Variants in RBMS3 observed in about 807,000 individuals in gnomAD.
RBMS3 encodes RNA-binding motif, single-stranded-interacting protein 3.
In RBMS3, 27 loss-of-function variants were observed where a neutral mutation model predicts 66.8. That is an observed-to-expected ratio of 0.40 (90% CI 0.30 to 0.56). RBMS3 has a LOEUF of 0.56. Among genes scored for constraint, RBMS3 ranks in the 20% least tolerant of loss-of-function variants. The pLI is 0.40. For synonymous variants in RBMS3, 188 were observed against 183.0 expected, an observed-to-expected ratio of 1.03 and a Z score of -0.22; for missense variants, 513 against 549.5, an observed-to-expected ratio of 0.93 and a Z score of 0.66.
intron 12 of RBMS3, among the ~76,000 whole-genome samples, chr3:29,945,523 A>T (rs1047968572): frequency 6.6e-6 from 1 of 151,698 alleles, no homozygotes; most frequent in Non-Finnish European, 1.5e-5. Flanking sequence ...GTCATATCTT[A>T]ACATGCCAAT....
intron 1 of RBMS3, among the ~76,000 whole-genome samples, chr3:29,328,861 C>T (rs776359100): frequency 1.3e-5 from 2 of 152,070 alleles, no homozygotes; most frequent in Non-Finnish European, 2.9e-5. Flanking sequence ...TCTTCAACTC[C>T]CTATTGGATT....
intron 2 of RBMS3, among the ~76,000 whole-genome samples, chr3:29,447,503 C>G (rs1420812857): frequency 6.6e-6 from 1 of 152,150 alleles, no homozygotes; most frequent in Non-Finnish European, 1.5e-5. Flanking sequence ...TCTCTTTAGA[C>G]AAGTTATGCA....
chr3:29,708,540 G>A (rs1450169681), intron 4 of RBMS3, among the ~76,000 whole-genome samples: 1 of 152,160 alleles, frequency 6.6e-6, no homozygotes, highest in Non-Finnish European at 1.5e-5. Flanking sequence ...AGTATTAAAA[G>A]CTGTGCAAAC....
intron 6 of RBMS3, among the ~76,000 whole-genome samples, chr3:29,849,632 T>C (rs184137383): frequency 3.0e-4 from 45 of 152,224 alleles, no homozygotes; most frequent in Non-Finnish European, 5.9e-4. Flanking sequence ...GATTTTTATA[T>C]GGTAACTTGT....
chr3:29,929,509 G>A (rs143072910), intron 10 of RBMS3, among the ~76,000 whole-genome samples: 313 of 152,012 alleles, frequency 2.1e-3, no homozygotes, highest in Non-Finnish European at 3.3e-3. Context: ...TTGAATAGGC[G>A]TAGTACATAA....
rs1482435546 is a variant in RBMS3 at position 30,003,927 on chromosome 3, T to G, written c.*65T>G. 7.3e-7 allele frequency: 1 copy of G among 1,371,542 alleles called. No homozygotes were observed. The highest frequency in any genetic ancestry group is 2.5e-5 in the East Asian group (1 of 40,038). The allele number at this position is 1,371,542 out of a possible 1,614,324, so 85.0% of individuals were successfully genotyped here. Reference sequence around the variant, plus strand: ...TGAAGAAACTTCATTGAACAAGAAGTTGGCTTCCAGTTTGCACAGACGTCA... The same window carrying G: ...TGAAGAAACTTCATTGAACAAGAAGGTGGCTTCCAGTTTGCACAGACGTCA... On this transcript the variant is annotated 3_prime_UTR_variant, in exon 15 of 15. Transcript: ENST00000383767.
chr3:30,005,577 C>CT lies in RBMS3; in HGVS notation c.*1717dup, dbSNP rs1699784348. 6.6e-6 allele frequency: 1 copy of CT among 151,848 alleles called. No individual in the cohort carries two copies. Among genetic ancestry groups the CT allele is most frequent in the Non-Finnish European group, 1.5e-5 (1 of 67,824 alleles). 9.4% of individuals were successfully genotyped at this position (151,848 alleles called of 1,614,324 possible). A position where few individuals can be genotyped will look rare whatever the true frequency, so the allele number is the denominator to read the frequency against. On this transcript the variant is annotated 3_prime_UTR_variant, in exon 15 of 15. Transcript: ENST00000383767. ...GGTCTCATTGTATTTGAACAATAGTCTTCCCTCTAAATTACAACACCTCTG... is the reference window on the plus strand; with the variant it reads ...GGTCTCATTGTATTTGAACAATAGTCTTTCCCTCTAAATTACAACACCTCTG...
chr3:29,697,201 A>G, intron 4 of RBMS3: 1 of 726,594 alleles, frequency 1.4e-6, no homozygotes, highest in Non-Finnish European at 1.7e-6. Context: ...ATATATTCTT[A>G]ATGATACAAT....
rs1272317694 is a variant in RBMS3, at chr3:29,403,288, CTG to C, written c.76-31453_76-31452del. 3.3e-5 allele frequency among the ~76,000 whole-genome samples: 5 copies of C among 152,072 alleles called. No homozygotes were observed. The East Asian group carries it at 9.7e-4, about 29-fold the overall frequency. On this transcript the variant is annotated intron_variant, in intron 1 of 14. Transcript: ENST00000383767. ...GGTGGAGAAGTCAAAAGGAAAAAAA[CTG>C]TATGTAATATAGATGGACGTATTTC...
intron 1 of RBMS3, 126 bp from the exon 2 acceptor site, chr3:29,434,617 G>A (rs1361621199): frequency 3.2e-6 from 4 of 1,241,760 alleles, no homozygotes; most frequent in African/African-American, 3.0e-5. Context: ...TGATATAAAT[G>A]TGTGTGTGTA....
chr3:29,688,564 A>AT lies in RBMS3; in HGVS notation c.400-51119dup, dbSNP rs55943638. On this transcript the variant is annotated intron_variant, in intron 4 of 14. Transcript: ENST00000383767. ...TCACATCAGGCACAAAAGTTACAGG[A>AT]TTTTTTTTTTTTTTTTTTTTTTTTT... Among the ~76,000 whole-genome samples the AT allele has an allele frequency of 5.8e-3, 388 of 67,118 alleles. 60 individuals carry two copies. Among genetic ancestry groups the AT allele is most frequent in the Non-Finnish European group, 7.6e-3 (304 of 39,970 alleles). 44.0% of individuals were successfully genotyped at this position (67,118 alleles called of 152,430 possible). A position where few individuals can be genotyped will look rare whatever the true frequency, so the allele number is the denominator to read the frequency against.
chr3:29,585,765 A>T (rs1280143043), intron 3 of RBMS3, among the ~76,000 whole-genome samples: 1 of 151,844 alleles, frequency 6.6e-6, no homozygotes, highest in African/African-American at 2.4e-5. Flanking sequence ...TTGATTTTGT[A>T]GGGAGAGAAG....
chr3:29,582,717 G>A (rs1418105788), intron 3 of RBMS3, among the ~76,000 whole-genome samples: 1 of 152,158 alleles, frequency 6.6e-6, no homozygotes, highest in African/African-American at 2.4e-5. Context: ...TTGTCATTAA[G>A]GAAAACAAAT....
chr3:29,639,593 C>G (rs866010712), intron 4 of RBMS3, among the ~76,000 whole-genome samples: 220 of 143,168 alleles, frequency 1.5e-3, no homozygotes, highest in African/African-American at 5.4e-3. Context: ...AGAAGATAGA[C>G]AGAGAGAGAG....
At chr3:29,465,732 T>C (rs927453164) in intron 2 of RBMS3, among the ~76,000 whole-genome samples, 10 of 152,240 alleles carry the variant, frequency 6.6e-5, no homozygotes, top group Non-Finnish European at 1.5e-4. Context: ...TTTATTTTTC[T>C]AGAGCAAATA....
At chr3:29,471,565 A>T (rs762986299) in intron 2 of RBMS3, among the ~76,000 whole-genome samples, 3 of 152,110 alleles carry the variant, frequency 2.0e-5, no homozygotes, top group Admixed American at 6.6e-5. Flanking sequence ...CTATAATCCA[A>T]TTGGGAAAAA....
intron 3 of RBMS3, among the ~76,000 whole-genome samples, chr3:29,511,795 T>C (rs560517783): frequency 5.9e-4 from 89 of 151,814 alleles, no homozygotes; most frequent in African/African-American, 2.1e-3. Flanking sequence ...AGTTGAAGGA[T>C]CCAATTGTGT....
intron 4 of RBMS3, among the ~76,000 whole-genome samples, chr3:29,601,348 G>T (rs184184658): frequency 6.6e-6 from 1 of 151,722 alleles, no homozygotes; most frequent in Non-Finnish European, 1.5e-5. Flanking sequence ...TGTCATCTTC[G>T]AAATTATGAA....
chr3:29,711,666 C>A (rs934971158), intron 4 of RBMS3, among the ~76,000 whole-genome samples: 2 of 152,112 alleles, frequency 1.3e-5, no homozygotes, highest in Non-Finnish European at 2.9e-5. Flanking sequence ...GGCCAGAATC[C>A]AATTTTCTCC....
Sources: allele counts gnomAD v4.1 joint callset (sites outside exome capture counted in the v4.1 genomes callset), GRCh38; gene constraint gnomAD v4.1.1; transcripts MANE v1.5; gene names NCBI Gene and HGNC (gene_info 2026-07-23, HGNC 2026-07-21).